Variants in MRPS11 observed in about 807,000 individuals in gnomAD.
The protein encoded by MRPS11 is small ribosomal subunit protein uS11m.
MRPS11 carries 27 observed loss-of-function variants against 24.3 expected under a neutral mutation model. The ratio of observed to expected loss-of-function variants is 1.11; its 90% CI spans 0.82 to 1.53. The LOEUF (loss-of-function observed/expected upper bound fraction) is 1.53, where lower values mean the gene tolerates loss of function less well. Among genes scored for constraint, MRPS11 ranks in the 40% most tolerant of loss-of-function variants. MRPS11 has a pLI of 0.00. For synonymous variants in MRPS11, 104 were observed against 98.7 expected, an observed-to-expected ratio of 1.05 and a Z score of -0.32; for missense variants, 277 against 256.5, an observed-to-expected ratio of 1.08 and a Z score of -0.55.
In MRPS11 at chr15:88,467,857, C is replaced by T. The variant is rs751229496; in HGVS notation, c.66-51C>T. 8.7e-6 allele frequency: 14 copies of T among 1,612,498 alleles called. No homozygotes were observed. In the South Asian group the frequency reaches 1.3e-4, roughly 15 times the overall value. ...TCCTACTCGTGTCCCTTGAGCCACC[C>T]GGGCCCCAGTGACCGTTAGGCCGTG... On this transcript the variant is annotated intron_variant, in intron 1 of 5. Transcript: ENST00000325844.
chr15:88,468,673 A>G (rs1243654315), intron 2 of MRPS11: 1 of 247,416 alleles, frequency 4.0e-6, no homozygotes, highest in Non-Finnish European at 6.4e-6. Flanking sequence ...CTGCTCAATA[A>G]TATAATGGAG....
Position 88,476,991 on chromosome 15 carries a change from A to G in MRPS11, c.414A>G (p.Arg138=). Residue 138 remains arginine (R), a splice_region_variant and synonymous_variant, in exon 5 of 6, where the codon AGA becomes AGG. Coordinates refer to ENST00000325844, the MANE Select transcript of MRPS11 (RefSeq NM_022839.5). ...AQTAGIAAAA[R]AKQKGVIHIR... is the part of the protein sequence containing the mutation. ...CTAACCACTCTGCTTCTCTCCAGAG[A>G]GCTAAACAAAAGGGCGTGATCCACA... 1 of 1,613,836 alleles carries G rather than the reference A, an allele frequency of 6.2e-7. No homozygotes were observed. Among genetic ancestry groups the G allele is most frequent in the East Asian group, 2.2e-5 (1 of 44,880 alleles).
chr15:88,472,782 G>C, intron 3 of MRPS11, 57 bp downstream of exon 3: 1 of 1,425,850 alleles, frequency 7.0e-7, no homozygotes, highest in Non-Finnish European at 9.8e-7. Context: ...CCACTTCACA[G>C]GGAAAGTCAG....
Position 88,467,948 on chromosome 15 carries a change from G to C in MRPS11, c.106G>C (p.Gly36Arg). The part of the protein sequence containing the change: ...ARTPAGTICT[G>R]ARQLQDAAAK... Reference sequence around the variant, plus strand: ...AACGCCGGCCGGGACCATCTGCACAGGCGCTCGACAGCTCCAAGACGCTGC... The same window carrying C: ...AACGCCGGCCGGGACCATCTGCACACGCGCTCGACAGCTCCAAGACGCTGC... Residue 36 changes from glycine (G) to arginine (R), a missense_variant, in exon 2 of 6, where the codon GGC becomes CGC. By Grantham distance (125) the Gly-to-Arg change is moderately radical (BLOSUM62 -2). Coordinates refer to ENST00000325844, the MANE Select transcript of MRPS11 (RefSeq NM_022839.5). 1.2e-6 allele frequency: 2 copies of C among 1,613,468 alleles called. No individual in the cohort carries two copies. The highest frequency in any genetic ancestry group is 1.7e-6 in the Non-Finnish European group (2 of 1,179,970).
intron 3 of MRPS11, among the ~76,000 whole-genome samples, chr15:88,473,681 G>C (rs2055762515): frequency 6.6e-6 from 1 of 152,154 alleles, no homozygotes; most frequent in South Asian, 2.1e-4. Flanking sequence ...GGGAATGTCA[G>C]AGCCATAGCC....
At position 88,477,585 on chromosome 15, in the gene MRPS11, G is replaced by A. The variant is rs2055848348; in HGVS notation, c.478-287G>A. On this transcript the variant is annotated intron_variant, in intron 5 of 5. Coordinates refer to ENST00000325844, the MANE Select transcript of MRPS11 (RefSeq NM_022839.5). This position sits in a 1 kb window ranked among gnomAD's most constrained non-coding sequence, Gnocchi z 5.7. ...GCTACAGAAGTATGATACCCAAGGT[G>A]TGCCAAGGTCTACAAGAAGTCTTTG... Among the ~76,000 whole-genome samples the A allele has an allele frequency of 6.6e-6, 1 of 152,210 alleles. No homozygotes were observed. The highest frequency in any genetic ancestry group is 6.5e-5 in the Admixed American group (1 of 15,284).
chr15:88,468,298 GTTCT>G, intron 2 of MRPS11: 2 of 1,231,622 alleles, frequency 1.6e-6, no homozygotes, highest in Non-Finnish European at 2.1e-6. Context: ...ATGTATCAGC[GTTCT>G]TTTCTTCTGA....
intron 2 of MRPS11, among the ~76,000 whole-genome samples, chr15:88,470,772 G>A (rs955345481): frequency 6.6e-6 from 1 of 152,176 alleles, no homozygotes; most frequent in African/African-American, 2.4e-5. Flanking sequence ...CAGAGGATAG[G>A]AAGAAACAGC....
chr15:88,472,547 ATT>A, intron 2 of MRPS11, 78 bp from the exon 3 acceptor site: 4 of 1,239,794 alleles, frequency 3.2e-6, no homozygotes, highest in Non-Finnish European at 4.6e-6. Flanking sequence ...CAGAGCTGTT[ATT>A]TTTTAACCAT....
chr15:88,477,925 C>G lies in MRPS11; in HGVS notation c.531C>G (p.Asp177Glu). ...MGGLEVISIT[D>E]NTPIPHNGCR... ...GCCTGGAAGTGATCTCAATCACAGA[C>G]AACACCCCAATCCCACACAACGGCT... The change falls in exon 6 of 6, where the codon GAC becomes GAG. Residue 177 changes from aspartate (D) to glutamate (E), a missense_variant. Transcript: ENST00000325844. This position sits in a 1 kb window ranked among gnomAD's most constrained non-coding sequence, Gnocchi z 5.7. 6.2e-7 allele frequency: 1 copy of G among 1,614,176 alleles called. No homozygotes were observed. Among genetic ancestry groups the G allele is most frequent in the Non-Finnish European group, 8.5e-7 (1 of 1,180,032 alleles).
rs1162601175 is a variant in MRPS11 at position 88,478,026 on chromosome 15, G to A, written c.*47G>A. On this transcript the variant is annotated 3_prime_UTR_variant, in exon 6 of 6. Transcript: ENST00000325844. The surrounding 1 kb of genome is among the most constrained non-coding windows in gnomAD (Gnocchi z 4.7). ...GACCTGACCTCAAGCCTCAGCTCCA[G>A]TGGGACCTTGTAAAATGCTCCCTGT... 3 of 1,457,758 alleles carry A rather than the reference G, an allele frequency of 2.1e-6. No individual in the cohort carries two copies. The highest frequency in any genetic ancestry group is 1.4e-5 in the African/African-American group (1 of 71,818). The allele number at this position is 1,457,758 out of a possible 1,614,324, so 90.3% of individuals were successfully genotyped here.
chr15:88,468,269 A>G, intron 2 of MRPS11: 2 of 1,331,982 alleles, frequency 1.5e-6, no homozygotes, highest in Non-Finnish European at 1.9e-6. Flanking sequence ...TCAATGAGTG[A>G]ATGTGAGATA....
Position 88,476,830 on chromosome 15 carries a change from C to T in MRPS11, c.412-159C>T. On this transcript the variant is annotated intron_variant, in intron 4 of 5. Coordinates refer to ENST00000325844, the MANE Select transcript of MRPS11 (RefSeq NM_022839.5). ...CCAAATTCTGTGGTCTCTGCTGGCG[C>T]CTGTCCTCCACTATAGCCATCTGCC... The T allele has an allele frequency of 6.2e-6, 4 of 649,348 alleles. No homozygotes were observed. The South Asian group carries it at 7.5e-5, about 12-fold the overall frequency. 40.2% of individuals were successfully genotyped at this position (649,348 alleles called of 1,614,324 possible).
Position 88,472,674 on chromosome 15 carries a change from G to A in MRPS11, c.230G>A (p.Gly77Glu), listed in dbSNP as rs951473750. 71 of 1,614,032 alleles carry A rather than the reference G, an allele frequency of 4.4e-5. No individual in the cohort carries two copies. Among genetic ancestry groups the A allele is most frequent in the Non-Finnish European group, 5.8e-5 (69 of 1,180,020 alleles). ...GAGGAGAGCTCTCTGAGGTGGGCAG[G>A]AAAGAAATTTGAGGAGATCCCAATT... ...PGEESSLRWA[G>E]KKFEEIPIAH... Residue 77 changes from glycine to glutamate, a missense_variant, in exon 3 of 6, where the codon GGA (glycine) becomes GAA (glutamate). Coordinates refer to ENST00000325844, the MANE Select transcript of MRPS11 (RefSeq NM_022839.5).
chr15:88,471,619 C>A (rs1180517862), intron 2 of MRPS11, among the ~76,000 whole-genome samples: 1 of 152,198 alleles, frequency 6.6e-6, no homozygotes, highest in South Asian at 2.1e-4. Context: ...CCCTATTTCC[C>A]TATTGGTACC....
At chr15:88,471,425 G>A (rs2055699940) in intron 2 of MRPS11, among the ~76,000 whole-genome samples, 1 of 152,174 alleles carries the variant, frequency 6.6e-6, no homozygotes. Flanking sequence ...ATTTCAAGTG[G>A]CTGTGGTGGG....
At position 88,475,891 on chromosome 15, in the gene MRPS11, A is replaced by G. The variant is rs7181231; in HGVS notation, c.411+652A>G. 0.069 allele frequency among the ~76,000 whole-genome samples: 10,452 copies of G among 152,118 alleles called. 1,235 individuals are homozygous for G. Among genetic ancestry groups the G allele is most frequent in the African/African-American group, 0.24 (9,817 of 41,416 alleles). Reference sequence around the variant, plus strand: ...AGAATCACTTGAACCCAGGAGGTGGAGGTTGCAGTGACTCGAGATCACACC... The same window carrying G: ...AGAATCACTTGAACCCAGGAGGTGGGGGTTGCAGTGACTCGAGATCACACC... On this transcript the variant is annotated intron_variant, in intron 4 of 5. Transcript: ENST00000325844. This position sits in a 1 kb window ranked among gnomAD's most constrained non-coding sequence, Gnocchi z 4.1.
intron 2 of MRPS11, among the ~76,000 whole-genome samples, chr15:88,472,028 A>G (rs1376893575): frequency 6.6e-6 from 1 of 152,218 alleles, no homozygotes; most frequent in Non-Finnish European, 1.5e-5. Context: ...AACACAGCCT[A>G]TTAATTTACT....
In MRPS11 at chr15:88,478,094, T is replaced by A; in HGVS notation, c.*115T>A. ...TGCTTGTTGGAGATCCTTCAGGCAG[T>A]AAGGGAGAGTTTTGCCTCCTTACAC... On this transcript the variant is annotated 3_prime_UTR_variant, in exon 6 of 6. Coordinates refer to ENST00000325844, the MANE Select transcript of MRPS11 (RefSeq NM_022839.5). The surrounding 1 kb of genome is among the most constrained non-coding windows in gnomAD (Gnocchi z 4.7). 2.4e-6 allele frequency: 2 copies of A among 832,900 alleles called. No homozygotes were observed. The highest frequency in any genetic ancestry group is 1.7e-5 in the African/African-American group (1 of 59,254). The allele number at this position is 832,900 out of a possible 1,614,324, so 51.6% of individuals were successfully genotyped here. A position where few individuals can be genotyped will look rare whatever the true frequency, so the allele number is the denominator to read the frequency against.
Sources: allele counts gnomAD v4.1 joint callset (sites outside exome capture counted in the v4.1 genomes callset), GRCh38; gene constraint gnomAD v4.1.1; non-coding constraint Gnocchi (gnomAD v3.1); transcripts MANE v1.5; gene names NCBI Gene and HGNC (gene_info 2026-07-23, HGNC 2026-07-21).